LINGO2: variants seen among roughly 807,000 people sequenced by gnomAD.
LINGO2 encodes leucine-rich repeat and immunoglobulin-like domain-containing nogo receptor-interacting protein 2.
Under a neutral mutation model 30.6 loss-of-function variants are expected in LINGO2, and 14 were observed. The ratio of observed to expected loss-of-function variants is 0.46; its 90% confidence interval spans 0.30 to 0.72. LINGO2 has a LOEUF of 0.72. LINGO2 is among the 30% of genes least tolerant of loss of function. The pLI, the probability that LINGO2 is intolerant of heterozygous loss-of-function variation, is 0.07. For synonymous variants in LINGO2, 317 were observed against 288.5 expected (o/e 1.10, Z -1.00); for missense variants, 729 against 751.7 (o/e 0.97, Z 0.35).
chr9:28,507,246 C>A (rs1194006279), intron 1 of LINGO2, among the ~76,000 whole-genome samples: 2 of 122,686 alleles, frequency 1.6e-5, no homozygotes, highest in Admixed American at 7.7e-5. Flanking sequence ...TGCGTGCGTG[C>A]GCACATGTGT....
chr9:28,923,915 A>G, the LINGO2 span, among the ~76,000 whole-genome samples: 1 of 152,114 alleles, frequency 6.6e-6, no homozygotes, highest in East Asian at 1.9e-4. Context: ...TACAGGAAAT[A>G]AAAAGGGATC....
At chr9:28,103,976 A>T (rs991240302) in intron 4 of LINGO2, among the ~76,000 whole-genome samples, 2 of 152,040 alleles carry the variant, frequency 1.3e-5, no homozygotes, top group East Asian at 3.9e-4. Context: ...TTGATTGCAG[A>T]TTTTTATTAA....
At chr9:29,061,876 G>A in the LINGO2 span, among the ~76,000 whole-genome samples, 1 of 152,012 alleles carries the variant, frequency 6.6e-6, no homozygotes, top group Admixed American at 6.6e-5. Context: ...ATTATCAACA[G>A]AATGAAAAGG....
chr9:28,182,237 G>T (rs1048486237), intron 4 of LINGO2, among the ~76,000 whole-genome samples: 2 of 152,112 alleles, frequency 1.3e-5, no homozygotes, highest in Non-Finnish European at 2.9e-5. Flanking sequence ...TCAATAAATG[G>T]TGCTGGGAAA....
the LINGO2 span, among the ~76,000 whole-genome samples, chr9:28,781,577 G>T: frequency 6.6e-6 from 1 of 152,126 alleles, no homozygotes; most frequent in Non-Finnish European, 1.5e-5. Flanking sequence ...TCATAATTAT[G>T]CATGTTATTA....
At chr9:28,389,161 G>T (rs879786729) in intron 2 of LINGO2, among the ~76,000 whole-genome samples, 1 of 152,050 alleles carries the variant, frequency 6.6e-6, no homozygotes. Flanking sequence ...ACCAGCTTTA[G>T]GAGATTGTTA....
chr9:28,447,537 G>A (rs1029786794), intron 2 of LINGO2, among the ~76,000 whole-genome samples: 1 of 152,128 alleles, frequency 6.6e-6, no homozygotes, highest in Non-Finnish European at 1.5e-5. Context: ...AGCCCAGGTG[G>A]ACTAAGACAG....
At chr9:28,055,340 G>T (rs1824876520) in intron 4 of LINGO2, among the ~76,000 whole-genome samples, 1 of 152,108 alleles carries the variant, frequency 6.6e-6, no homozygotes, top group Non-Finnish European at 1.5e-5. Context: ...CAGGTGGATG[G>T]AAAAGGGCTG....
chr9:29,085,114 G>A, the LINGO2 span, among the ~76,000 whole-genome samples: 1 of 151,592 alleles, frequency 6.6e-6, no homozygotes, highest in Non-Finnish European at 1.5e-5. Flanking sequence ...GTGGGAATTT[G>A]TTCCTAAATC....
the LINGO2 span, among the ~76,000 whole-genome samples, chr9:28,899,491 C>T: frequency 6.6e-6 from 1 of 152,174 alleles, no homozygotes; most frequent in Admixed American, 6.5e-5. Flanking sequence ...CCAGGCTGAC[C>T]CCAGTGGCTC....
chr9:29,092,583 T>C, the LINGO2 span, among the ~76,000 whole-genome samples: 3 of 88,902 alleles, frequency 3.4e-5, 1 homozygote, highest in African/African-American at 1.3e-4. Context: ...CATTTTTCCA[T>C]GTATTACATG....
chr9:28,289,195 A>T (rs1291245395), intron 4 of LINGO2, among the ~76,000 whole-genome samples: 1 of 152,218 alleles, frequency 6.6e-6, no homozygotes, highest in African/African-American at 2.4e-5. Flanking sequence ...ACTGCCATTC[A>T]TACAACAGAG....
At chr9:28,642,472 T>C (rs1304187724) in intron 1 of LINGO2, among the ~76,000 whole-genome samples, 2 of 152,130 alleles carry the variant, frequency 1.3e-5, no homozygotes, top group Non-Finnish European at 2.9e-5. Flanking sequence ...AAAGTTGACT[T>C]TGAAACAAGC....
At chr9:28,049,762 G>C (rs554544306) in intron 4 of LINGO2, among the ~76,000 whole-genome samples, 1 of 150,602 alleles carries the variant, frequency 6.6e-6, no homozygotes, top group South Asian at 2.1e-4. Context: ...CTGGAACCAA[G>C]TACAAGGTGG....
intron 5 of LINGO2, among the ~76,000 whole-genome samples, chr9:27,988,557 T>C (rs1189228228): frequency 6.6e-6 from 1 of 152,050 alleles, no homozygotes; most frequent in Non-Finnish European, 1.5e-5. Flanking sequence ...TGGTGTGAGA[T>C]GGTATCTCAC....
chr9:29,058,279 G>C, the LINGO2 span, among the ~76,000 whole-genome samples: 2 of 152,000 alleles, frequency 1.3e-5, no homozygotes, highest in African/African-American at 4.8e-5. Flanking sequence ...TGAATGTTGA[G>C]AACTGAAAAA....
intron 4 of LINGO2, among the ~76,000 whole-genome samples, chr9:28,015,998 C>CAAAAAAAAA (rs35234256): frequency 8.2e-6 from 1 of 122,424 alleles, no homozygotes; most frequent in Non-Finnish European, 1.7e-5. Context: ...GTAAAAGGGA[C>CAAAAAAAAA]AAAAAAAAAA....
intron 1 of LINGO2, among the ~76,000 whole-genome samples, chr9:28,602,476 T>G (rs1181556816): frequency 6.6e-6 from 1 of 152,128 alleles, no homozygotes; most frequent in African/African-American, 2.4e-5. Context: ...TACTTAAATT[T>G]CTGATACATC....
At chr9:28,553,530 C>A (rs1381297655) in intron 1 of LINGO2, among the ~76,000 whole-genome samples, 6 of 152,008 alleles carry the variant, frequency 3.9e-5, no homozygotes, top group Non-Finnish European at 1.5e-5. Flanking sequence ...GATTGGTGTA[C>A]CTGGAAGTGA....
Sources: allele counts gnomAD v4.1 joint callset (sites outside exome capture counted in the v4.1 genomes callset), GRCh38; gene constraint gnomAD v4.1.1; transcripts MANE v1.5; gene names NCBI Gene and HGNC (gene_info 2026-07-23, HGNC 2026-07-21).